Variants in FARP1 observed in about 807,000 individuals in gnomAD.
FARP1 encodes the protein FERM, ARH/RhoGEF and pleckstrin domain protein 1, also known as FERM, ARHGEF and pleckstrin domain-containing protein 1.
FARP1 carries 52 observed loss-of-function variants against 128.8 expected under a neutral mutation model. The ratio of observed to expected loss-of-function variants is 0.40; its 90% CI spans 0.32 to 0.51. The LOEUF (loss-of-function observed/expected upper bound fraction) is 0.51, where lower values mean the gene tolerates loss of function less well. FARP1 is among the 20% of genes least tolerant of loss of function. The probability of loss-of-function intolerance (pLI) is 0.45; values close to 1 mark genes in which losing one functional copy is unlikely to be tolerated. For missense variants in FARP1, 1,333 were observed against 1,367.9 expected (o/e 0.97, Z 0.40); for synonymous variants, 580 against 551.8 (o/e 1.05, Z -0.72).
intron 6 of FARP1, among the ~76,000 whole-genome samples, chr13:98,379,585 C>T (rs1489763202): frequency 6.6e-6 from 1 of 152,036 alleles, no homozygotes; most frequent in Non-Finnish European, 1.5e-5. Flanking sequence ...CCTTTAATGT[C>T]CATGGGGTAT....
chr13:98,170,141 T>G (rs1877551678), intron 1 of FARP1, among the ~76,000 whole-genome samples: 1 of 152,180 alleles, frequency 6.6e-6, no homozygotes, highest in Non-Finnish European at 1.5e-5. Flanking sequence ...TCTTGGGGAA[T>G]AGTCTAGATT....
chr13:98,206,689 T>G (rs576224054), intron 1 of FARP1, among the ~76,000 whole-genome samples: 3 of 152,210 alleles, frequency 2.0e-5, no homozygotes, highest in Admixed American at 2.0e-4. Context: ...GTCAGGATAC[T>G]AAGACAAGAC....
intron 2 of FARP1, among the ~76,000 whole-genome samples, chr13:98,236,276 C>T (rs1205908754): frequency 6.6e-6 from 1 of 152,146 alleles, no homozygotes; most frequent in African/African-American, 2.4e-5. Context: ...ATGGAGCTCT[C>T]CATCTAAGCA....
chr13:98,308,823 C>T (rs1418110189), intron 2 of FARP1, among the ~76,000 whole-genome samples: 1 of 151,856 alleles, frequency 6.6e-6, no homozygotes, highest in Non-Finnish European at 1.5e-5. Flanking sequence ...CATGCCACCA[C>T]CATGCCTGGC....
intron 2 of FARP1, among the ~76,000 whole-genome samples, chr13:98,279,469 A>G (rs7327988): frequency 0.084 from 12,766 of 152,226 alleles, 1,085 homozygotes; most frequent in African/African-American, 0.22. Context: ...GAATGGTGGA[A>G]CTGCTGTGAT....
rs1184300055 is a variant in FARP1 at position 98,438,883 on chromosome 13, A to G, written c.2343+11A>G. 1 of 1,613,034 alleles carries G rather than the reference A, an allele frequency of 6.2e-7. No individual in the cohort carries two copies. On this transcript the variant is annotated intron_variant, in intron 20 of 26. Transcript: ENST00000319562. Reference sequence around the variant, plus strand: ...CGCATGTTCTTCCTGGTGAGTGGAGAGAGCGGCTTGTCCTCACAAGGATTG... The same window carrying G: ...CGCATGTTCTTCCTGGTGAGTGGAGGGAGCGGCTTGTCCTCACAAGGATTG...
At position 98,296,266 on chromosome 13, in the gene FARP1, C is replaced by T. The variant is rs530376291; in HGVS notation, c.172-47496C>T. Among the ~76,000 whole-genome samples, 3 of 152,252 alleles carry T rather than the reference C, an allele frequency of 2.0e-5. No individual in the cohort carries two copies. In the East Asian group the frequency reaches 5.8e-4, roughly 29 times the overall value. ...AGGCTCGTCACCTTCTCCAGCCTCA[C>T]CGCCATCATTCCTTCCTGTCCCGTG... On this transcript the variant is annotated intron_variant, in intron 2 of 26. Coordinates refer to ENST00000319562, the MANE Select transcript of FARP1 (RefSeq NM_005766.4).
chr13:98,288,263 T>C (rs1183631141), intron 2 of FARP1, among the ~76,000 whole-genome samples: 2 of 152,158 alleles, frequency 1.3e-5, no homozygotes, highest in Admixed American at 6.5e-5. Context: ...CATAGCTAAG[T>C]GTGTTATTCT....
At chr13:98,177,343 A>G (rs1388775387) in intron 1 of FARP1, 7 of 902,684 alleles carry the variant, frequency 7.8e-6, no homozygotes, top group African/African-American at 1.7e-5. Context: ...AGCAAAAGCA[A>G]GTGAAAGAAA....
chr13:98,393,769 CCACG>C, intron 12 of FARP1, 51 bp downstream of exon 12: 1 of 1,385,460 alleles, frequency 7.2e-7, no homozygotes, highest in Non-Finnish European at 1.0e-6. Context: ...CACACTTCCT[CCACG>C]GAGCCCTGGG....
intron 2 of FARP1, among the ~76,000 whole-genome samples, chr13:98,227,765 G>A (rs916662033): frequency 2.0e-5 from 3 of 152,160 alleles, no homozygotes; most frequent in African/African-American, 4.8e-5. Flanking sequence ...TGTTATATAC[G>A]TGCAAAATGG....
At chr13:98,165,405 A>G (rs539826506) in intron 1 of FARP1, among the ~76,000 whole-genome samples, 94 of 152,084 alleles carry the variant, frequency 6.2e-4, no homozygotes, top group Middle Eastern at 3.4e-3. Flanking sequence ...GTAACTATTG[A>G]AGATATTGTG....
At chr13:98,164,068 G>C (rs1877073168) in intron 1 of FARP1, among the ~76,000 whole-genome samples, 1 of 151,398 alleles carries the variant, frequency 6.6e-6, no homozygotes, top group East Asian at 1.9e-4. Flanking sequence ...CTAATTGCTG[G>C]ATTGCTTGAC....
At chr13:98,330,179 G>C (rs1226628018) in intron 2 of FARP1, among the ~76,000 whole-genome samples, 1 of 152,168 alleles carries the variant, frequency 6.6e-6, no homozygotes, top group Non-Finnish European at 1.5e-5. Flanking sequence ...GGCCTGGCTG[G>C]AGAGGAGTGA....
chr13:98,334,008 G>A (rs1199498853), intron 2 of FARP1: 1 of 152,140 alleles, frequency 6.6e-6, no homozygotes, highest in Non-Finnish European at 1.5e-5. Flanking sequence ...AGCTCGCCTA[G>A]TCTGGATGCC....
At position 98,449,532 on chromosome 13, in the gene FARP1, A is replaced by C. The variant is rs1158540585; in HGVS notation, c.*1215A>C. On this transcript the variant is annotated 3_prime_UTR_variant, in exon 27 of 27. Coordinates refer to ENST00000319562, the MANE Select transcript of FARP1 (RefSeq NM_005766.4). Reference sequence around the variant, plus strand: ...CGGAGGCGAGGGCCAATTCAACCCCATTCTTTCCAGCGCCCCGCACCATAG... The same window carrying C: ...CGGAGGCGAGGGCCAATTCAACCCCCTTCTTTCCAGCGCCCCGCACCATAG... 1.3e-5 allele frequency: 2 copies of C among 152,532 alleles called. No individual in the cohort carries two copies. The highest frequency in any genetic ancestry group is 2.9e-5 in the Non-Finnish European group (2 of 68,056). The allele number at this position is 152,532 out of a possible 1,614,324, so 9.4% of individuals were successfully genotyped here. A position where few individuals can be genotyped will look rare whatever the true frequency, so the allele number is the denominator to read the frequency against.
At chr13:98,311,242 T>TG (rs1319929981) in intron 2 of FARP1, among the ~76,000 whole-genome samples, 3 of 152,194 alleles carry the variant, frequency 2.0e-5, no homozygotes, top group African/African-American at 7.2e-5. Flanking sequence ...ATTTTGCACA[T>TG]GGGAAACTGA....
At chr13:98,441,151 C>T (rs1892507594) in intron 24 of FARP1, among the ~76,000 whole-genome samples, 1 of 152,192 alleles carries the variant, frequency 6.6e-6, no homozygotes, top group Non-Finnish European at 1.5e-5. Flanking sequence ...ATGCAGTTAG[C>T]CCAGAACACA....
chr13:98,213,824 A>AG (rs1015441847), intron 2 of FARP1, among the ~76,000 whole-genome samples: 1 of 152,078 alleles, frequency 6.6e-6, no homozygotes, highest in African/African-American at 2.4e-5. Flanking sequence ...TGTTTGTGGC[A>AG]GGGGGGCTGT....
Sources: allele counts gnomAD v4.1 joint callset (sites outside exome capture counted in the v4.1 genomes callset), GRCh38; gene constraint gnomAD v4.1.1; transcripts MANE v1.5; gene names NCBI Gene and HGNC (gene_info 2026-07-23, HGNC 2026-07-21).